Variants in GLP2R observed in about 807,000 individuals in gnomAD.
GLP2R encodes glucagon-like peptide 2 receptor.
In GLP2R, 59 loss-of-function variants were observed where a neutral mutation model predicts 68.2. The ratio of observed to expected loss-of-function variants is 0.87; its 90% CI spans 0.70 to 1.07. The LOEUF (loss-of-function observed/expected upper bound fraction) is 1.07, where lower values mean the gene tolerates loss of function less well. Among genes scored for constraint, GLP2R ranks in the 50% least tolerant of loss-of-function variants. The pLI is 0.00. For missense variants in GLP2R, 548 were observed against 677.4 expected (o/e 0.81, Z 2.12); for synonymous variants, 270 against 265.4 (o/e 1.02, Z -0.17).
chr17:9,888,006 G>C, intron 12 of GLP2R, 33 bp downstream of exon 12: 1 of 1,546,232 alleles, frequency 6.5e-7, no homozygotes, highest in Non-Finnish European at 8.9e-7. Flanking sequence ...CTGGTTTCAT[G>C]TGAGGTTGGG....
intron 9 of GLP2R, among the ~76,000 whole-genome samples, 154 bp from the exon 10 acceptor site, chr17:9,870,593 C>G (rs1453408593): frequency 6.6e-6 from 1 of 152,120 alleles, no homozygotes; most frequent in Admixed American, 6.5e-5. Flanking sequence ...GTGGAGATCA[C>G]AGCTAAGCAT....
At chr17:9,884,899 T>G (rs113591261) in intron 11 of GLP2R, among the ~76,000 whole-genome samples, 1 of 152,122 alleles carries the variant, frequency 6.6e-6, no homozygotes, top group Non-Finnish European at 1.5e-5. Context: ...ACTCTGCAGC[T>G]GTTATGTAGT....
intron 2 of GLP2R, chr17:9,834,552 T>C (rs1334076932): frequency 1.3e-5 from 2 of 153,098 alleles, no homozygotes; most frequent in African/African-American, 4.8e-5. Context: ...ACTCTTCGGG[T>C]GCAGCCACGT....
Position 9,890,043 on chromosome 17 carries a change from T to G in GLP2R, c.*338T>G. 2.1e-6 allele frequency: 1 copy of G among 470,982 alleles called. No homozygotes were observed. The highest frequency in any genetic ancestry group is 4.2e-6 in the Non-Finnish European group (1 of 236,874). The allele number at this position is 470,982 out of a possible 1,614,324, so 29.2% of individuals were successfully genotyped here. ...TTATAGAGAAGCCAGCCAATATCTCTTCCTTTATCCCTTGGGGTGCATGCT... is the reference window on the plus strand; with the variant it reads ...TTATAGAGAAGCCAGCCAATATCTCGTCCTTTATCCCTTGGGGTGCATGCT... On this transcript the variant is annotated 3_prime_UTR_variant, in exon 13 of 13. Transcript: ENST00000262441.
chr17:9,859,883 G>A lies in GLP2R; in HGVS notation c.766-59G>A, dbSNP rs567281503. On this transcript the variant is annotated intron_variant, in intron 6 of 12. Transcript: ENST00000262441. ...TGTCTCTGGGAGGCCCTTCTCCCCC[G>A]ACTCGGGATCAGATGCAGGGGAGCC... 9 of 833,216 alleles carry A rather than the reference G, an allele frequency of 1.1e-5. No homozygotes were observed. The East Asian group carries it at 1.5e-4, about 14-fold the overall frequency. 51.6% of individuals were successfully genotyped at this position (833,216 alleles called of 1,614,324 possible). A position where few individuals can be genotyped will look rare whatever the true frequency, so the allele number is the denominator to read the frequency against.
At chr17:9,838,621 T>G (rs3786122) in intron 3 of GLP2R, among the ~76,000 whole-genome samples, 57,629 of 151,922 alleles carry the variant, frequency 0.38, 11,103 homozygotes, top group Middle Eastern at 0.54. Context: ...AGAAGTTAAA[T>G]TAAAGCCTCT....
chr17:9,833,003 C>T (rs1385712024), intron 1 of GLP2R, among the ~76,000 whole-genome samples: 3 of 152,150 alleles, frequency 2.0e-5, no homozygotes, highest in Non-Finnish European at 4.4e-5. Flanking sequence ...TGGCTCACAC[C>T]TGTAATCCCA....
At position 9,854,594 on chromosome 17, in the gene GLP2R, T is replaced by C; in HGVS notation, c.604T>C (p.Phe202Leu). Residue 202 changes from phenylalanine (F) to leucine (L), a missense_variant, in exon 5 of 13, where the codon TTT (phenylalanine) becomes CTT (leucine). By Grantham distance (22) the Phe-to-Leu change is conservative (BLOSUM62 0). Coordinates refer to ENST00000262441, the MANE Select transcript of GLP2R (RefSeq NM_004246.3). ...SLFLALTLLL[F>L]LRKLHCTRNY... The stretch of plus-strand genomic sequence containing the variant: ...CTTCCTGGCTCTCACCCTCCTCTTG[T>C]TTCTTCGGTGAGTAGAACTTCTGCA... 1 of 1,579,766 alleles carries C rather than the reference T, an allele frequency of 6.3e-7. No individual in the cohort carries two copies.
chr17:9,826,315 CA>C (rs2066629243), intron 1 of GLP2R, 63 bp downstream of exon 1: 11 of 1,181,530 alleles, frequency 9.3e-6, no homozygotes, highest in Middle Eastern at 2.3e-4. Flanking sequence ...TTTAAAGAAG[CA>C]ATTTAGGCCT....
intron 3 of GLP2R, among the ~76,000 whole-genome samples, chr17:9,838,007 G>A (rs1156861942): frequency 6.6e-6 from 1 of 152,204 alleles, no homozygotes; most frequent in Non-Finnish European, 1.5e-5. Flanking sequence ...CTGGGTGGGA[G>A]AGTTAGTGAC....
intron 9 of GLP2R, among the ~76,000 whole-genome samples, chr17:9,862,595 G>C (rs1480954299): frequency 6.6e-6 from 1 of 152,166 alleles, no homozygotes; most frequent in African/African-American, 2.4e-5. Flanking sequence ...TTTAATCATT[G>C]TGGTCCAGAA....
intron 10 of GLP2R, among the ~76,000 whole-genome samples, chr17:9,879,110 A>G (rs973110535): frequency 7.2e-5 from 11 of 151,838 alleles, no homozygotes; most frequent in African/African-American, 1.9e-4. Context: ...ATCCATGAGG[A>G]GTTCCTTAAA....
chr17:9,847,482 C>A (rs1286743949), intron 4 of GLP2R, among the ~76,000 whole-genome samples: 1 of 152,072 alleles, frequency 6.6e-6, no homozygotes, highest in East Asian at 1.9e-4. Flanking sequence ...GTTGGCCAGG[C>A]TGGTCTCGAA....
chr17:9,884,171 T>C (rs1312447862), intron 11 of GLP2R, among the ~76,000 whole-genome samples: 4 of 152,176 alleles, frequency 2.6e-5, no homozygotes, highest in Non-Finnish European at 4.4e-5. Context: ...ATGAAATAGA[T>C]TGTGTTAAGA....
At chr17:9,855,282 G>A (rs749863030) in intron 5 of GLP2R, among the ~76,000 whole-genome samples, 17 of 152,164 alleles carry the variant, frequency 1.1e-4, no homozygotes, top group Non-Finnish European at 2.1e-4. Flanking sequence ...GCAGAAGAAG[G>A]GGAAGAAAGG....
At chr17:9,884,922 C>A (rs2067229039) in intron 11 of GLP2R, among the ~76,000 whole-genome samples, 2 of 151,992 alleles carry the variant, frequency 1.3e-5, no homozygotes, top group African/African-American at 4.8e-5. Context: ...TATTTGGTGG[C>A]CTTTTTTCTC....
At chr17:9,847,109 C>A (rs562464029) in intron 4 of GLP2R, among the ~76,000 whole-genome samples, 1 of 152,186 alleles carries the variant, frequency 6.6e-6, no homozygotes, top group South Asian at 2.1e-4. Context: ...AGTAGCGCAG[C>A]GTTAGACATG....
intron 5 of GLP2R, among the ~76,000 whole-genome samples, chr17:9,856,951 C>T (rs550097134): frequency 1.4e-4 from 21 of 151,588 alleles, no homozygotes; most frequent in African/African-American, 4.8e-4. Flanking sequence ...GAGGTGAAGT[C>T]TCGCTCTGTT....
chr17:9,884,056 TA>T (rs2067220220), intron 11 of GLP2R, among the ~76,000 whole-genome samples: 1 of 152,034 alleles, frequency 6.6e-6, no homozygotes, highest in African/African-American at 2.4e-5. Context: ...TTATAACATA[TA>T]AAGATCTAAT....
Sources: gnomAD v4.1 joint callset for allele counts (sites outside exome capture counted in the v4.1 genomes callset) on GRCh38, gnomAD v4.1.1 for gene constraint, MANE v1.5 for transcripts, NCBI Gene and HGNC (gene_info 2026-07-23, HGNC 2026-07-21) for gene names.